The following LUZP2 variants were observed in gnomAD, a reference collection of about 807,000 sequenced individuals.
LUZP2 encodes leucine zipper protein 2.
Under a neutral mutation model 51.6 loss-of-function variants are expected in LUZP2, and 52 were observed. That is an observed-to-expected ratio of 1.01 (90% CI 0.81 to 1.27). LUZP2 has a LOEUF of 1.27. Ranked by LOEUF, LUZP2 falls within the 50% of genes most tolerant of loss-of-function variation. The pLI, the probability that LUZP2 is intolerant of heterozygous loss-of-function variation, is 0.00. For synonymous variants in LUZP2, 154 were observed against 137.3 expected (o/e 1.12, Z -0.85); for missense variants, 436 against 395.4 (o/e 1.10, Z -0.87).
chr11:24,613,992 G>T (rs10500986), intron 1 of LUZP2, among the ~76,000 whole-genome samples: 2 of 151,672 alleles, frequency 1.3e-5, no homozygotes, highest in African/African-American at 2.4e-5. Context: ...TTACATTTGT[G>T]GTAGGTTTCC....
At chr11:24,764,378 G>A (rs1267331540) in intron 5 of LUZP2, among the ~76,000 whole-genome samples, 1 of 151,452 alleles carries the variant, frequency 6.6e-6, no homozygotes, top group Non-Finnish European at 1.5e-5. Context: ...CCACTAGGCT[G>A]GGCACAGTGG....
chr11:24,544,895 C>T (rs7938626), intron 1 of LUZP2, among the ~76,000 whole-genome samples: 37,171 of 151,952 alleles, frequency 0.24, 4,705 homozygotes, highest in Middle Eastern at 0.37. Flanking sequence ...CTAATTTGTA[C>T]TCCCACTAAC....
At chr11:24,860,685 A>G (rs775015789) in intron 5 of LUZP2, among the ~76,000 whole-genome samples, 17 of 152,032 alleles carry the variant, frequency 1.1e-4, no homozygotes, top group Non-Finnish European at 2.1e-4. Flanking sequence ...CCCCCAGCAA[A>G]TTGCAGCAGC....
At chr11:24,839,582 T>C (rs771937839) in intron 5 of LUZP2, among the ~76,000 whole-genome samples, 6 of 151,708 alleles carry the variant, frequency 4.0e-5, no homozygotes, top group Non-Finnish European at 8.9e-5. Context: ...CTTTATGGAA[T>C]CCTTTGTCAC....
chr11:24,867,572 A>G (rs1443234621), intron 5 of LUZP2, among the ~76,000 whole-genome samples: 3 of 152,148 alleles, frequency 2.0e-5, no homozygotes, highest in African/African-American at 7.2e-5. Flanking sequence ...CTTTGGCTGG[A>G]CTGTTTAACT....
chr11:24,826,190 A>AATATATATATATATATATATAT (rs1158935544), intron 5 of LUZP2, among the ~76,000 whole-genome samples: 6 of 67,544 alleles, frequency 8.9e-5, no homozygotes, highest in East Asian at 5.6e-4. Flanking sequence ...AAAAAAAAAA[A>AATATATATATATATATATATAT]ATATATATAT....
intron 4 of LUZP2, chr11:24,763,020 A>T (rs1232139849): frequency 1.3e-6 from 1 of 770,790 alleles, no homozygotes; most frequent in Non-Finnish European, 1.6e-6. Context: ...ATTTAAAAAA[A>T]AAATAATAAA....
At chr11:24,658,627 G>T (rs1180904142) in intron 1 of LUZP2, among the ~76,000 whole-genome samples, 3 of 152,126 alleles carry the variant, frequency 2.0e-5, no homozygotes, top group Admixed American at 6.6e-5. Context: ...TACCATCAGA[G>T]TGAACAGGCA....
At chr11:24,719,825 C>T (rs1188474660) in intron 1 of LUZP2, among the ~76,000 whole-genome samples, 2 of 152,182 alleles carry the variant, frequency 1.3e-5, no homozygotes, top group Admixed American at 1.3e-4. Flanking sequence ...TCTTAGATCC[C>T]TGACCAACTG....
chr11:24,821,072 C>A (rs1416972653), intron 5 of LUZP2, among the ~76,000 whole-genome samples: 1 of 151,948 alleles, frequency 6.6e-6, no homozygotes, highest in African/African-American at 2.4e-5. Context: ...AATGATTTAT[C>A]GAAATCACTG....
At chr11:24,973,705 G>A (rs560805568) in intron 7 of LUZP2, among the ~76,000 whole-genome samples, 1 of 152,172 alleles carries the variant, frequency 6.6e-6, no homozygotes, top group East Asian at 1.9e-4. Flanking sequence ...AAGTCATTCA[G>A]CAGCAGGTTG....
chr11:24,829,826 T>A (rs2631499), intron 5 of LUZP2, among the ~76,000 whole-genome samples: 141,738 of 152,240 alleles, frequency 0.93, 66,614 homozygotes, highest in East Asian at 1. Context: ...TTTCTAAGTG[T>A]CTGTGATTTG....
chr11:24,833,647 T>C (rs1243577536), intron 5 of LUZP2, among the ~76,000 whole-genome samples: 1 of 151,986 alleles, frequency 6.6e-6, no homozygotes, highest in African/African-American at 2.4e-5. Context: ...AATTTCAGTG[T>C]AGTGGAGCTC....
intron 1 of LUZP2, among the ~76,000 whole-genome samples, chr11:24,625,846 A>G (rs1463600876): frequency 6.6e-6 from 1 of 152,162 alleles, no homozygotes; most frequent in Non-Finnish European, 1.5e-5. Context: ...TTCAAAGAAT[A>G]TGTTTGTACA....
At chr11:25,001,442 A>G (rs553022127) in intron 9 of LUZP2, among the ~76,000 whole-genome samples, 7 of 152,236 alleles carry the variant, frequency 4.6e-5, no homozygotes, top group East Asian at 1.9e-4. Context: ...AGACCTTTGT[A>G]TGGTAATTAA....
At chr11:24,606,687 C>A (rs1853929860) in intron 1 of LUZP2, among the ~76,000 whole-genome samples, 1 of 151,986 alleles carries the variant, frequency 6.6e-6, no homozygotes, top group Non-Finnish European at 1.5e-5. Flanking sequence ...GATGCCACAT[C>A]ATATAATAGT....
Position 24,806,703 on chromosome 11 carries a change from C to T in LUZP2, c.396+43395C>T, listed in dbSNP as rs1385834332. Among the ~76,000 whole-genome samples, 4 of 152,012 alleles carry T rather than the reference C, an allele frequency of 2.6e-5. No individual in the cohort carries two copies. The East Asian group carries it at 7.7e-4, about 29-fold the overall frequency. On this transcript the variant is annotated intron_variant, in intron 5 of 11. Coordinates refer to ENST00000336930, the MANE Select transcript of LUZP2 (RefSeq NM_001009909.4). ...TTACAATCCTGTTGATAAAGTTCTC[C>T]TGTTATTTCTATCAATTCTCCCAAT...
At chr11:24,530,323 AGTT>A (rs1850953504) in intron 1 of LUZP2, among the ~76,000 whole-genome samples, 1 of 150,916 alleles carries the variant, frequency 6.6e-6, no homozygotes, top group Admixed American at 6.6e-5. Context: ...CATCTGTAAT[AGTT>A]GTTAAGTCTA....
At chr11:24,516,494 A>G (rs1316969993) in intron 1 of LUZP2, among the ~76,000 whole-genome samples, 1 of 152,246 alleles carries the variant, frequency 6.6e-6, no homozygotes, top group African/African-American at 2.4e-5. Flanking sequence ...TAACAGGATT[A>G]CAACATTTTC....
Sources: allele counts gnomAD v4.1 joint callset (sites outside exome capture counted in the v4.1 genomes callset), GRCh38; gene constraint gnomAD v4.1.1; transcripts MANE v1.5; gene names NCBI Gene and HGNC (gene_info 2026-07-23, HGNC 2026-07-21).